CTNNA2: variants seen among roughly 807,000 people sequenced by gnomAD.
CTNNA2 encodes the protein catenin alpha-2.
CTNNA2 carries 42 observed loss-of-function variants against 101.0 expected under a neutral mutation model. That is an observed-to-expected ratio of 0.42 (90% CI 0.32 to 0.54). CTNNA2 has a LOEUF of 0.54. Ranked by LOEUF, CTNNA2 falls within the 20% of genes least tolerant of loss-of-function variation. The pLI is 0.14. For synonymous variants in CTNNA2, 450 were observed against 456.4 expected, an observed-to-expected ratio of 0.99 and a Z score of 0.18; for missense variants, 871 against 1,223.1, an observed-to-expected ratio of 0.71 and a Z score of 4.29.
At chr2:80,601,625 T>C (rs1400698574) in intron 15 of CTNNA2, 2 of 151,806 alleles carry the variant, frequency 1.3e-5, no homozygotes, top group East Asian at 3.9e-4. Context: ...CTAAGGTTAT[T>C]GCTGTCTTAT....
intron 2 of CTNNA2, among the ~76,000 whole-genome samples, chr2:79,660,236 ACTATATATGTG>A (rs200068323): frequency 0.057 from 8,580 of 149,826 alleles, 310 homozygotes; most frequent in Non-Finnish European, 0.072. Context: ...ATGTATGTAT[ACTATATATGTG>A]TATATACATA....
At chr2:79,486,666 A>C (rs970595157) in intron 4 of CTNNA2, among the ~76,000 whole-genome samples, 4 of 152,146 alleles carry the variant, frequency 2.6e-5, no homozygotes, top group African/African-American at 9.7e-5. Flanking sequence ...TTCCACAATG[A>C]TTGAACTAGT....
At chr2:79,860,405 A>G (rs1681499921) in intron 4 of CTNNA2, among the ~76,000 whole-genome samples, 1 of 152,110 alleles carries the variant, frequency 6.6e-6, no homozygotes, top group Non-Finnish European at 1.5e-5. Flanking sequence ...CGATGACGCC[A>G]TGTGTGGTAC....
Position 80,647,673 on chromosome 2 carries a change from C to G in CTNNA2, c.2663C>G (p.Thr888Ser). Residue 888 changes from threonine (T) to serine (S), a missense_variant, in exon 19 of 19, where the codon ACC becomes AGC. This residue lies in a region of CTNNA2 where 25 missense variants were observed against 69.5 expected (regional missense o/e 0.36). Coordinates refer to ENST00000402739, the MANE Select transcript of CTNNA2 (RefSeq NM_001282597.3). ...LTVKASYVAS[T>S]KYQKVYGTAA... ...GTGAAAGCATCCTATGTGGCCTCAA[C>G]CAAATACCAGAAGGTCTATGGGACA... 6.2e-7 allele frequency: 1 copy of G among 1,613,440 alleles called. No homozygotes were observed. The highest frequency in any genetic ancestry group is 8.5e-7 in the Non-Finnish European group (1 of 1,179,496).
chr2:79,229,731 G>T (rs1405615201), intron 2 of CTNNA2, among the ~76,000 whole-genome samples: 1 of 150,934 alleles, frequency 6.6e-6, no homozygotes, highest in Admixed American at 6.6e-5. Context: ...ATATGGGAAA[G>T]TTTGGAATTT....
intron 7 of CTNNA2, among the ~76,000 whole-genome samples, chr2:79,946,736 C>T (rs1688518463): frequency 6.6e-6 from 1 of 152,138 alleles, no homozygotes; most frequent in Non-Finnish European, 1.5e-5. Context: ...GTTGAAAGCT[C>T]TTTGTTACTT....
At chr2:79,436,233 T>C (rs1678712230) in intron 4 of CTNNA2, among the ~76,000 whole-genome samples, 1 of 152,068 alleles carries the variant, frequency 6.6e-6, no homozygotes, top group Admixed American at 6.5e-5. Context: ...GAAGCCTTAG[T>C]GGATCATCAA....
At chr2:79,405,294 G>T (rs972041453) in intron 4 of CTNNA2, among the ~76,000 whole-genome samples, 1 of 151,994 alleles carries the variant, frequency 6.6e-6, no homozygotes, top group Admixed American at 6.6e-5. Context: ...AGGGTCAGGT[G>T]AGACTGCAGC....
chr2:80,087,225 C>T (rs562941990), intron 7 of CTNNA2, among the ~76,000 whole-genome samples: 18 of 152,088 alleles, frequency 1.2e-4, no homozygotes, highest in African/African-American at 4.1e-4. Flanking sequence ...AGTTGTGTCA[C>T]TTTCTATGTA....
intron 3 of CTNNA2, among the ~76,000 whole-genome samples, chr2:79,814,071 C>A (rs981729863): frequency 4.6e-5 from 7 of 152,064 alleles, no homozygotes; most frequent in African/African-American, 1.7e-4. Flanking sequence ...CTGCCCTCTT[C>A]TTAAAAGGAC....
intron 8 of CTNNA2, among the ~76,000 whole-genome samples, chr2:80,413,493 TC>T (rs1454938639): frequency 1.3e-5 from 2 of 152,198 alleles, no homozygotes; most frequent in Non-Finnish European, 2.9e-5. Flanking sequence ...CGCTACCTGC[TC>T]CCACCCCAAC....
intron 4 of CTNNA2, among the ~76,000 whole-genome samples, chr2:79,448,246 G>C (rs1327191157): frequency 6.6e-6 from 1 of 151,924 alleles, no homozygotes; most frequent in Non-Finnish European, 1.5e-5. Flanking sequence ...AACTCTCTCT[G>C]TATTTTTTAG....
intron 7 of CTNNA2, among the ~76,000 whole-genome samples, chr2:80,053,838 T>A (rs1308501347): frequency 1.3e-5 from 2 of 152,230 alleles, no homozygotes; most frequent in Non-Finnish European, 2.9e-5. Context: ...ATTTTTTCAG[T>A]GTGGTTAACT....
At position 79,892,943 on chromosome 2, in the gene CTNNA2, C is replaced by T. The variant is rs185763506; in HGVS notation, c.853-16651C>T. ...AATAAAGAAAGAGTTTCTTCTTACA[C>T]TGACATTTCCAAAGTAAATTACCAA... On this transcript the variant is annotated intron_variant, in intron 6 of 18. Coordinates refer to ENST00000402739, the MANE Select transcript of CTNNA2 (RefSeq NM_001282597.3). Among the ~76,000 whole-genome samples, 16 of 152,266 alleles carry T rather than the reference C, an allele frequency of 1.1e-4. 1 individual carries two copies. The highest frequency in any genetic ancestry group is 1.0e-3 in the Admixed American group (16 of 15,288).
chr2:79,643,685 G>T (rs1227215407), intron 1 of CTNNA2, among the ~76,000 whole-genome samples: 1 of 152,036 alleles, frequency 6.6e-6, no homozygotes, highest in Non-Finnish European at 1.5e-5. Flanking sequence ...TCCTTCTTTG[G>T]CTCTCTCAAG....
intron 11 of CTNNA2, among the ~76,000 whole-genome samples, chr2:80,549,134 A>G (rs1040283984): frequency 6.6e-6 from 1 of 152,222 alleles, no homozygotes; most frequent in African/African-American, 2.4e-5. Context: ...AAAAAGTGAA[A>G]TGACTGTGTG....
At position 80,493,033 on chromosome 2, in the gene CTNNA2, G is replaced by A. The variant is rs150491834; in HGVS notation, c.1291-51949G>A. ...GTAAACAGTGGAATGGTACATAGCA[G>A]CTGAAAGAAGGTTGGATAAGTGGAT... On this transcript the variant is annotated intron_variant, in intron 9 of 18. Coordinates refer to ENST00000402739, the MANE Select transcript of CTNNA2 (RefSeq NM_001282597.3). Among the ~76,000 whole-genome samples the A allele has an allele frequency of 2.2e-3, 328 of 152,312 alleles. No individual in the cohort carries two copies. In the Middle Eastern group the frequency reaches 0.027, roughly 13 times the overall value.
chr2:79,717,379 G>A (rs1686178266), intron 2 of CTNNA2, among the ~76,000 whole-genome samples: 1 of 152,088 alleles, frequency 6.6e-6, no homozygotes, highest in Admixed American at 6.5e-5. Flanking sequence ...AAGAAATAGC[G>A]AAAGGCATGA....
chr2:79,969,873 C>A (rs1461587449), intron 7 of CTNNA2, among the ~76,000 whole-genome samples: 1 of 152,050 alleles, frequency 6.6e-6, no homozygotes, highest in African/African-American at 2.4e-5. Context: ...TATTCCATGC[C>A]AAAAGTGTGG....
Sources: gnomAD v4.1 joint callset for allele counts (sites outside exome capture counted in the v4.1 genomes callset) on GRCh38, gnomAD v4.1.1 for gene constraint, gnomAD v4.1.1 regional missense constraint, MANE v1.5 for transcripts, NCBI Gene and HGNC (gene_info 2026-07-23, HGNC 2026-07-21) for gene names.